AANAT: variants seen among roughly 807,000 people sequenced by gnomAD.
AANAT encodes the protein aralkylamine N-acetyltransferase.
Under a neutral mutation model 15.6 loss-of-function variants are expected in AANAT, and 11 were observed. The observed-to-expected ratio is 0.71, with a 90% confidence interval of 0.44 to 1.17. The LOEUF is 1.17. AANAT is among the 50% of genes most tolerant of loss of function. AANAT has a pLI of 0.00. For missense variants in AANAT, 286 were observed against 296.3 expected (o/e 0.97, Z 0.26); for synonymous variants, 139 against 131.5 (o/e 1.06, Z -0.39).
chr17:76,457,968 G>A (rs1354260437), intron 1 of AANAT, among the ~76,000 whole-genome samples: 6 of 152,184 alleles, frequency 3.9e-5, no homozygotes, highest in South Asian at 2.1e-4. Flanking sequence ...CCCGGGAGGC[G>A]GAGGCTGCAG....
chr17:76,469,311 A>T lies in AANAT; in HGVS notation c.302A>T (p.Lys101Met). ...VAFIIGSLWDKERLMQESLTL... is the reference protein window; with the variant it reads ...VAFIIGSLWDMERLMQESLTL... Reference sequence around the variant, plus strand: ...TTCATCATCGGCTCGCTCTGGGACAAGGAGAGACTCATGCAGGTGAGGACA... The same window carrying T: ...TTCATCATCGGCTCGCTCTGGGACATGGAGAGACTCATGCAGGTGAGGACA... Residue 101 changes from lysine to methionine, a missense_variant, in exon 3 of 4, where the codon AAG (lysine) becomes ATG (methionine). Transcript: ENST00000392492. This position sits in a 1 kb window ranked among gnomAD's most constrained non-coding sequence, Gnocchi z 5.2. 6.2e-7 allele frequency: 1 copy of T among 1,614,032 alleles called. No individual in the cohort carries two copies. The highest frequency in any genetic ancestry group is 1.7e-5 in the Admixed American group (1 of 60,020).
At chr17:76,458,963 C>T (rs34087070) in intron 1 of AANAT, among the ~76,000 whole-genome samples, 2,254 of 152,326 alleles carry the variant, frequency 0.015, 21 homozygotes, top group Middle Eastern at 0.027. Context: ...AGCTGAATGC[C>T]GCTCAAGGCT....
chr17:76,454,892 C>G (rs1369085491), intron 1 of AANAT, among the ~76,000 whole-genome samples: 1 of 151,574 alleles, frequency 6.6e-6, no homozygotes, highest in Non-Finnish European at 1.5e-5. Flanking sequence ...TTTGGGAGAC[C>G]GAGGCGGGTG....
chr17:76,459,672 G>T (rs1029704925), intron 2 of AANAT, among the ~76,000 whole-genome samples: 12 of 152,192 alleles, frequency 7.9e-5, no homozygotes, highest in Non-Finnish European at 1.5e-5. Flanking sequence ...TGCTGCTGCT[G>T]GTCACTATGT....
chr17:76,466,224 A>T, upstream of AANAT: 4 of 1,534,564 alleles, frequency 2.6e-6, no homozygotes, highest in Non-Finnish European at 3.5e-6. Context: ...GGGACCCTGG[A>T]GGTTGAAGGT....
chr17:76,467,631 C>A lies in AANAT; in HGVS notation c.-172C>A. On this transcript the variant is annotated 5_prime_UTR_variant, in exon 1 of 4. Transcript: ENST00000392492. The stretch of plus-strand genomic sequence containing the variant: ...CATCTGCTACTACAGCCTTGCAGCC[C>A]GGAGTCCCGGATTTTACTGGTTCCC... 2.0e-6 allele frequency: 2 copies of A among 985,528 alleles called. No individual in the cohort carries two copies. The highest frequency in any genetic ancestry group is 2.4e-6 in the Non-Finnish European group (2 of 830,006). The allele number at this position is 985,528 out of a possible 1,614,324, so 61.0% of individuals were successfully genotyped here.
chr17:76,457,477 G>T (rs1175974574), intron 1 of AANAT, among the ~76,000 whole-genome samples: 1 of 152,210 alleles, frequency 6.6e-6, no homozygotes, highest in Non-Finnish European at 1.5e-5. Flanking sequence ...ACTCCTGGAA[G>T]ACGTGTTGTG....
upstream of AANAT, among the ~76,000 whole-genome samples, chr17:76,466,464 C>T (rs1246662633): frequency 6.6e-6 from 1 of 152,082 alleles, no homozygotes; most frequent in Non-Finnish European, 1.5e-5. Flanking sequence ...TGTCCCAAAC[C>T]GTATGGGTAG....
chr17:76,461,545 G>A (rs1598636894), intron 2 of AANAT, among the ~76,000 whole-genome samples: 1 of 149,368 alleles, frequency 6.7e-6, no homozygotes, highest in East Asian at 2.0e-4. Context: ...GGGAAGTGGA[G>A]GTTGGTGAAC....
Position 76,469,710 on chromosome 17 carries a change from C to A in AANAT, c.364C>A (p.His122Asn). 1 of 1,536,654 alleles carries A rather than the reference C, an allele frequency of 6.5e-7. No individual in the cohort carries two copies. Residue 122 changes from histidine to asparagine, a missense_variant, in exon 4 of 4, where the codon CAT becomes AAT. Coordinates refer to ENST00000392492, the MANE Select transcript of AANAT (RefSeq NM_001088.3). The surrounding 1 kb of genome is among the most constrained non-coding windows in gnomAD (Gnocchi z 5.2). ...HRSGGHIAHL[H>N]VLAVHRAFRQ... ...GTCTGGGGGCCACATAGCCCACCTG[C>A]ATGTGCTGGCCGTGCACCGCGCCTT...
chr17:76,457,668 G>A (rs557733768), intron 1 of AANAT, among the ~76,000 whole-genome samples: 2 of 152,190 alleles, frequency 1.3e-5, no homozygotes, highest in Non-Finnish European at 2.9e-5. Context: ...CCTTAAGCAT[G>A]TGGACCATGT....
At chr17:76,465,922 T>C, upstream of AANAT, 1 of 476,988 alleles carries the variant, frequency 2.1e-6, no homozygotes, top group Non-Finnish European at 3.8e-6. Context: ...CAGTGGCGAG[T>C]CACTACAGCC....
At chr17:76,463,995 T>C (rs545022502), upstream of AANAT, among the ~76,000 whole-genome samples, 20 of 152,298 alleles carry the variant, frequency 1.3e-4, no homozygotes, top group Admixed American at 7.2e-4. Flanking sequence ...GCATGGTCCC[T>C]GGCAGTTCTC....
Position 76,469,745 on chromosome 17 carries a change from G to T in AANAT, c.399G>T (p.Gln133His). 1 of 1,566,992 alleles carries T rather than the reference G, an allele frequency of 6.4e-7. No homozygotes were observed. Among genetic ancestry groups the T allele is most frequent in the Non-Finnish European group, 8.6e-7 (1 of 1,156,328 alleles). The change falls in exon 4 of 4, where the codon CAG becomes CAT. Residue 133 changes from glutamine to histidine, a missense_variant. Transcript: ENST00000392492. This position sits in a 1 kb window ranked among gnomAD's most constrained non-coding sequence, Gnocchi z 5.2. ...VLAVHRAFRQ[Q>H]GRGPILLWRY... ...CCGTGCACCGCGCCTTCCGGCAGCA[G>T]GGCAGGGGCCCCATCCTGCTGTGGC...
intron 1 of AANAT, among the ~76,000 whole-genome samples, chr17:76,468,322 G>A (rs1041541395): frequency 2.0e-5 from 3 of 152,110 alleles, no homozygotes; most frequent in Admixed American, 6.5e-5. Flanking sequence ...CCCTCCCACC[G>A]TGGGCAGCAG....
At chr17:76,456,672 A>C (rs528005615) in intron 1 of AANAT, among the ~76,000 whole-genome samples, 19 of 152,306 alleles carry the variant, frequency 1.2e-4, no homozygotes, top group African/African-American at 4.3e-4. Flanking sequence ...AACAGCAGTA[A>C]CATAGTAGCT....
At position 76,469,533 on chromosome 17, in the gene AANAT, C is replaced by T. The variant is rs577058148; in HGVS notation, c.319-132C>T. On this transcript the variant is annotated intron_variant, in intron 3 of 3. Coordinates refer to ENST00000392492, the MANE Select transcript of AANAT (RefSeq NM_001088.3). The surrounding 1 kb of genome is among the most constrained non-coding windows in gnomAD (Gnocchi z 5.2). ...TGGGGGTATGGCTCCCAATTTGGGG[C>T]CCTCCTTTGCTGGGGTGGGTGCCCT... 2.1e-4 allele frequency: 256 copies of T among 1,240,112 alleles called. No homozygotes were observed. The highest frequency in any genetic ancestry group is 2.7e-4 in the Non-Finnish European group (245 of 923,380). 76.8% of individuals were successfully genotyped at this position (1,240,112 alleles called of 1,614,324 possible). A position where few individuals can be genotyped will look rare whatever the true frequency, so the allele number is the denominator to read the frequency against.
chr17:76,466,033 C>T (rs2073434235), upstream of AANAT: 3 of 718,528 alleles, frequency 4.2e-6, no homozygotes, highest in Non-Finnish European at 7.2e-6. Context: ...CATCTTGTTC[C>T]CTGAGGTTCT....
intron 1 of AANAT, among the ~76,000 whole-genome samples, chr17:76,456,066 T>A (rs1356202924): frequency 6.6e-6 from 1 of 151,916 alleles, no homozygotes; most frequent in Non-Finnish European, 1.5e-5. Flanking sequence ...GCACGGTGGC[T>A]CACGCCTGTA....
Sources: gnomAD v4.1 joint callset for allele counts (sites outside exome capture counted in the v4.1 genomes callset) on GRCh38, gnomAD v4.1.1 for gene constraint, Gnocchi (gnomAD v3.1) non-coding constraint, MANE v1.5 for transcripts, NCBI Gene and HGNC (gene_info 2026-07-23, HGNC 2026-07-21) for gene names.